Variants in UGT1A8 observed in about 807,000 individuals in gnomAD.
The protein encoded by UGT1A8 is UDP-glucuronosyltransferase 1A8.
UGT1A8 carries 39 observed loss-of-function variants against 45.3 expected under a neutral mutation model. That is an observed-to-expected ratio of 0.86 (90% CI 0.67 to 1.12). The LOEUF (loss-of-function observed/expected upper bound fraction) is 1.12, where lower values mean the gene tolerates loss of function less well. Ranked by LOEUF, UGT1A8 falls within the 50% of genes most tolerant of loss-of-function variation. UGT1A8 has a pLI of 0.00. For missense variants in UGT1A8, 719 were observed against 664.9 expected, an observed-to-expected ratio of 1.08 and a Z score of -0.90; for synonymous variants, 275 against 249.2, an observed-to-expected ratio of 1.10 and a Z score of -0.97.
chr2:233,767,805 T>C lies in UGT1A8; in HGVS notation c.988-44T>C, dbSNP rs774301079. On this transcript the variant is annotated intron_variant, in intron 2 of 4. Coordinates refer to ENST00000373450, the MANE Select transcript of UGT1A8 (RefSeq NM_019076.5). The stretch of plus-strand genomic sequence containing the variant: ...GTATAGCAGATTTGTTTTCTAATCA[T>C]ATTATGTTCTTTCTTTACGTTCTGC... 24 of 1,614,048 alleles carry C rather than the reference T, an allele frequency of 1.5e-5. No homozygotes were observed. In the South Asian group the frequency reaches 2.5e-4, roughly 17 times the overall value.
chr2:233,742,539 ATGGCCAGTTTAGGGGCCAGCTTC>A (rs1692013291), intron 1 of UGT1A8, among the ~76,000 whole-genome samples: 1 of 151,860 alleles, frequency 6.6e-6, no homozygotes, highest in African/African-American at 2.4e-5. Flanking sequence ...GATTTTGTTT[ATGGCCAGTTTAGGGGCCAGCTTC>A]TGGCCGGAAT....
rs2077433464 is a variant in UGT1A8, at chr2:233,725,312, A to AGAGGCAGAGGCG, written c.856-41717_856-41716insAGAGGCGGAGGC. ...CAGAGGCAGAGGCAGAGGCAGAGGCAGAGGCGCCTGGTCAACAATCTTAAG... is the reference window on the plus strand; with the variant it reads ...CAGAGGCAGAGGCAGAGGCAGAGGCAGAGGCAGAGGCGGAGGCGCCTGGTCAACAATCTTAAG... On this transcript the variant is annotated intron_variant, in intron 1 of 4. Transcript: ENST00000373450. 1.8e-5 allele frequency among the ~76,000 whole-genome samples: 2 copies of AGAGGCAGAGGCG among 110,292 alleles called. 1 individual carries two copies. Among genetic ancestry groups the AGAGGCAGAGGCG allele is most frequent in the Non-Finnish European group, 3.5e-5 (2 of 56,414 alleles). 72.4% of individuals were successfully genotyped at this position (110,292 alleles called of 152,430 possible).
intron 1 of UGT1A8, chr2:233,713,397 G>C: frequency 6.2e-7 from 1 of 1,614,030 alleles, no homozygotes; most frequent in Non-Finnish European, 8.5e-7. Flanking sequence ...GCATAATGAG[G>C]CCCTGATCAG....
At chr2:233,764,507 T>C (rs1318099994) in intron 1 of UGT1A8, among the ~76,000 whole-genome samples, 1 of 152,320 alleles carries the variant, frequency 6.6e-6, no homozygotes, top group Non-Finnish European at 1.5e-5. Flanking sequence ...GGGTTCAATT[T>C]TGTGTGAATC....
chr2:233,712,122 A>C (rs776169880), intron 1 of UGT1A8, among the ~76,000 whole-genome samples: 9 of 152,356 alleles, frequency 5.9e-5, no homozygotes, highest in Non-Finnish European at 1.0e-4. Flanking sequence ...GACTTGCAGA[A>C]GACTGGAGCC....
At chr2:233,719,164 C>T in intron 1 of UGT1A8, 1 of 1,614,210 alleles carries the variant, frequency 6.2e-7, no homozygotes, top group Admixed American at 1.7e-5. Flanking sequence ...AGAAGTATGG[C>T]AATTATGAAC....
chr2:233,718,386 A>T (rs1466849872), intron 1 of UGT1A8, among the ~76,000 whole-genome samples: 1 of 152,240 alleles, frequency 6.6e-6, no homozygotes, highest in East Asian at 1.9e-4. Context: ...AAGAGTTTCA[A>T]GGGTTAGCAA....
rs1575521689 is a variant in UGT1A8, at chr2:233,718,730, T to C, written c.856-48304T>C. Reference sequence around the variant, plus strand: ...TCCAATTACATGCTGATTTGCTAGGTGGCTCAATGACAAGGTAATTAAGGC... The same window carrying C: ...TCCAATTACATGCTGATTTGCTAGGCGGCTCAATGACAAGGTAATTAAGGC... On this transcript the variant is annotated intron_variant, in intron 1 of 4. Transcript: ENST00000373450. 6.2e-6 allele frequency: 10 copies of C among 1,611,210 alleles called. No homozygotes were observed. The East Asian group carries it at 2.2e-4, about 36-fold the overall frequency.
intron 1 of UGT1A8, among the ~76,000 whole-genome samples, chr2:233,665,252 T>C (rs1261316190): frequency 1.3e-5 from 2 of 152,246 alleles, no homozygotes; most frequent in Non-Finnish European, 2.9e-5. Context: ...GGATTTAATG[T>C]AGTTTTTTCA....
At chr2:233,668,772 T>C (rs528499754) in intron 1 of UGT1A8, among the ~76,000 whole-genome samples, 1 of 152,340 alleles carries the variant, frequency 6.6e-6, no homozygotes, top group South Asian at 2.1e-4. Flanking sequence ...TGAACCAAAG[T>C]CTATGTTTTC....
At chr2:233,637,668 G>A (rs917775119) in intron 1 of UGT1A8, among the ~76,000 whole-genome samples, 5 of 152,130 alleles carry the variant, frequency 3.3e-5, no homozygotes, top group South Asian at 2.1e-4. Flanking sequence ...TGAAACTTCC[G>A]TTTTTTGTTA....
At chr2:233,743,465 C>A in intron 1 of UGT1A8, 1 of 1,366,596 alleles carries the variant, frequency 7.3e-7, no homozygotes. Flanking sequence ...AAAACACCCC[C>A]AAAAGCTGGA....
chr2:233,690,526 C>G (rs1212510465), intron 1 of UGT1A8: 1 of 1,289,614 alleles, frequency 7.8e-7, no homozygotes, highest in African/African-American at 1.5e-5. Flanking sequence ...TTAGGATCTA[C>G]TTCTTTCACC....
intron 1 of UGT1A8, among the ~76,000 whole-genome samples, chr2:233,652,528 CATT>C (rs1266187068): frequency 6.6e-6 from 1 of 152,194 alleles, no homozygotes; most frequent in Non-Finnish European, 1.5e-5. Context: ...GCCACAATAT[CATT>C]ATCATTCCTC....
At chr2:233,735,660 T>C (rs2078678346) in intron 1 of UGT1A8, among the ~76,000 whole-genome samples, 1 of 152,214 alleles carries the variant, frequency 6.6e-6, no homozygotes, top group South Asian at 2.1e-4. Flanking sequence ...GGTGTTTCTT[T>C]CCATGTTTAG....
At chr2:233,749,384 C>T (rs1010265911) in intron 1 of UGT1A8, among the ~76,000 whole-genome samples, 1 of 151,836 alleles carries the variant, frequency 6.6e-6, no homozygotes, top group Non-Finnish European at 1.5e-5. Flanking sequence ...TCCAGTTTTT[C>T]AATGTGAACA....
At chr2:233,646,723 T>G (rs1335594742) in intron 1 of UGT1A8, among the ~76,000 whole-genome samples, 1 of 152,224 alleles carries the variant, frequency 6.6e-6, no homozygotes, top group African/African-American at 2.4e-5. Context: ...CATATTGCTA[T>G]CAGCATTTTG....
Position 233,768,531 on chromosome 2 carries a change from G to A in UGT1A8, c.1295+92G>A, listed in dbSNP as rs868518109. ...AAACATTTACGTAGCATTTAATAGC[G>A]TTGTTTCAAATATAAAAACAAATAC... On this transcript the variant is annotated intron_variant, in intron 4 of 4. Transcript: ENST00000373450. 3.8e-5 allele frequency: 56 copies of A among 1,481,648 alleles called. No individual in the cohort carries two copies. In the East Asian group the frequency reaches 3.8e-4, roughly 10 times the overall value. 91.8% of individuals were successfully genotyped at this position (1,481,648 alleles called of 1,614,324 possible).
chr2:233,669,123 C>A (rs1189142484), intron 1 of UGT1A8, among the ~76,000 whole-genome samples: 2 of 152,198 alleles, frequency 1.3e-5, no homozygotes. Flanking sequence ...ATTGCCTGTG[C>A]ACCTTTGAAA....
Sources: gnomAD v4.1 joint callset for allele counts (sites outside exome capture counted in the v4.1 genomes callset) on GRCh38, gnomAD v4.1.1 for gene constraint, MANE v1.5 for transcripts, NCBI Gene and HGNC (gene_info 2026-07-23, HGNC 2026-07-21) for gene names.